TRAF3IP2: variants seen among roughly 807,000 people sequenced by gnomAD.
TRAF3IP2 encodes TRAF3 interacting protein 2, also known as E3 ubiquitin ligase TRAF3IP2.
In TRAF3IP2, 35 loss-of-function variants were observed where a neutral mutation model predicts 57.9. The ratio of observed to expected loss-of-function variants is 0.60; its 90% CI spans 0.46 to 0.80. TRAF3IP2 has a LOEUF of 0.80. Ranked by LOEUF, TRAF3IP2 falls within the 30% of genes least tolerant of loss-of-function variation. The probability of loss-of-function intolerance (pLI) is 0.00; values close to 1 mark genes in which losing one functional copy is unlikely to be tolerated. For synonymous variants in TRAF3IP2, 251 were observed against 268.9 expected (o/e 0.93, Z 0.65); for missense variants, 556 against 706.4 (o/e 0.79, Z 2.41).
intron 5 of TRAF3IP2, among the ~76,000 whole-genome samples, chr6:111,572,026 T>C (rs1432978034): frequency 6.6e-6 from 1 of 152,172 alleles, no homozygotes; most frequent in African/African-American, 2.4e-5. Flanking sequence ...AGTATCCCTC[T>C]TTACCCATAG....
intron 1 of TRAF3IP2, chr6:111,602,189 C>T (rs935001095): frequency 1.3e-5 from 2 of 152,240 alleles, no homozygotes; most frequent in African/African-American, 4.8e-5. Context: ...AGGAAGTTTG[C>T]TCTGGGACTC....
At chr6:111,567,148 C>T (rs757094754) in intron 6 of TRAF3IP2, 68 of 997,620 alleles carry the variant, frequency 6.8e-5, no homozygotes, top group Non-Finnish European at 8.1e-5. Context: ...TGTTAAAGCA[C>T]AACGTGTCCC....
At chr6:111,600,537 C>A (rs755649968) in intron 1 of TRAF3IP2, 1 of 152,204 alleles carries the variant, frequency 6.6e-6, no homozygotes, top group Non-Finnish European at 1.5e-5. Context: ...ATATAAATCA[C>A]GGGTTGGCAA....
chr6:111,559,664 A>C, intron 8 of TRAF3IP2, 113 bp from the exon 9 acceptor site: 1 of 1,251,026 alleles, frequency 8.0e-7, no homozygotes, highest in East Asian at 2.3e-5. Context: ...GTTTCCTACC[A>C]AACTATCCTG....
chr6:111,567,563 C>T, intron 6 of TRAF3IP2, 61 bp downstream of exon 6: 2 of 1,537,150 alleles, frequency 1.3e-6, no homozygotes, highest in Non-Finnish European at 1.8e-6. Flanking sequence ...AATAAAACAA[C>T]TTCATAAGCT....
chr6:111,566,681 C>G (rs1348846390), intron 6 of TRAF3IP2, 121 bp from the exon 7 acceptor site: 5 of 869,866 alleles, frequency 5.7e-6, no homozygotes, highest in Non-Finnish European at 9.8e-6. Context: ...CACTGGCCCC[C>G]ACTCAGGCAG....
In TRAF3IP2 at chr6:111,559,292, G is replaced by C. The variant is rs1454219725; in HGVS notation, c.*113C>G. 7 of 1,442,712 alleles carry C rather than the reference G, an allele frequency of 4.9e-6. No individual in the cohort carries two copies. The highest frequency in any genetic ancestry group is 6.5e-6 in the Non-Finnish European group (7 of 1,072,362). 89.4% of individuals were successfully genotyped at this position (1,442,712 alleles called of 1,614,324 possible). A position where few individuals can be genotyped will look rare whatever the true frequency, so the allele number is the denominator to read the frequency against. ...TTCCTGGGGGCCAGAGGGCCTCTCG[G>C]GGAGGAACAGAAAAAAACCAGCCAG... On this transcript the variant is annotated 3_prime_UTR_variant, in exon 9 of 9. Transcript: ENST00000368761.
intron 5 of TRAF3IP2, among the ~76,000 whole-genome samples, chr6:111,570,657 C>T (rs1259184775): frequency 3.3e-5 from 5 of 152,198 alleles, no homozygotes; most frequent in Non-Finnish European, 4.4e-5. Flanking sequence ...CTAAGCTCTC[C>T]TCCAGGGGCA....
At chr6:111,599,139 C>G (rs1430999082) in intron 1 of TRAF3IP2, among the ~76,000 whole-genome samples, 1 of 147,818 alleles carries the variant, frequency 6.8e-6, no homozygotes, top group African/African-American at 2.5e-5. Context: ...AACTCCTGGG[C>G]TCAGGCAATC....
intron 1 of TRAF3IP2, among the ~76,000 whole-genome samples, chr6:111,597,292 G>A (rs1279909474): frequency 2.0e-5 from 3 of 152,188 alleles, no homozygotes; most frequent in Admixed American, 6.5e-5. Flanking sequence ...CAGAATAAAG[G>A]TGATGCCATC....
rs576369819 is a variant in TRAF3IP2, at chr6:111,565,338, A to T, written c.1476+1106T>A. On this transcript the variant is annotated intron_variant, in intron 7 of 8. Transcript: ENST00000368761. ...TGTGCCCTCCCCATCTTCCCATCTT[A>T]GTGACACTCTATGCCCATTCCAGGT... 6 of 152,416 alleles carry T rather than the reference A, an allele frequency of 3.9e-5. No individual in the cohort carries two copies. In the East Asian group the frequency reaches 1.2e-3, roughly 29 times the overall value. 9.4% of individuals were successfully genotyped at this position (152,416 alleles called of 1,614,324 possible). A position where few individuals can be genotyped will look rare whatever the true frequency, so the allele number is the denominator to read the frequency against.
chr6:111,563,591 T>C (rs1294521535), intron 7 of TRAF3IP2, among the ~76,000 whole-genome samples: 2 of 152,190 alleles, frequency 1.3e-5, no homozygotes, highest in South Asian at 2.1e-4. Flanking sequence ...GGCCATCCAT[T>C]CTACATCAGA....
intron 2 of TRAF3IP2, among the ~76,000 whole-genome samples, chr6:111,587,992 T>C (rs954516366): frequency 6.6e-6 from 1 of 152,216 alleles, no homozygotes; most frequent in Non-Finnish European, 1.5e-5. Context: ...AGGAAGCACA[T>C]ATAAAACTGT....
chr6:111,591,160 C>T lies in TRAF3IP2; in HGVS notation c.829+98G>A. ...CAGAATGCCCTCCCTGCATTCTGACCTGTTCATGCCAGCCTAGTGACACGA... is the reference window on the plus strand; with the variant it reads ...CAGAATGCCCTCCCTGCATTCTGACTTGTTCATGCCAGCCTAGTGACACGA... On this transcript the variant is annotated intron_variant, in intron 2 of 8. Transcript: ENST00000368761. The surrounding 1 kb of genome is among the most constrained non-coding windows in gnomAD (Gnocchi z 4.9). 3.1e-6 allele frequency: 3 copies of T among 963,428 alleles called. No individual in the cohort carries two copies. The highest frequency in any genetic ancestry group is 4.4e-6 in the Non-Finnish European group (3 of 679,484). 59.7% of individuals were successfully genotyped at this position (963,428 alleles called of 1,614,324 possible).
In TRAF3IP2 at chr6:111,593,050, T is replaced by C. The variant is rs1271298705; in HGVS notation, c.-8-956A>G. Among the ~76,000 whole-genome samples the C allele has an allele frequency of 2.6e-5, 4 of 152,212 alleles. No homozygotes were observed. The South Asian group carries it at 6.2e-4, about 24-fold the overall frequency. On this transcript the variant is annotated intron_variant, in intron 1 of 8. Coordinates refer to ENST00000368761, the MANE Select transcript of TRAF3IP2 (RefSeq NM_147686.4). ...ACAATGAGAAAGAAAACCAGTCTCC[T>C]CTCATCATTAAACTGATTGAGATGA...
intron 3 of TRAF3IP2, chr6:111,576,445 G>T (rs2038013): frequency 0.85 from 130,131 of 152,228 alleles, 56,164 homozygotes; most frequent in East Asian, 1. Flanking sequence ...GAGAGCATGC[G>T]TCTGCCGCTT....
intron 1 of TRAF3IP2, chr6:111,594,464 G>A (rs1056986375): frequency 1.6e-5 from 7 of 446,988 alleles, no homozygotes; most frequent in East Asian, 7.2e-5. Context: ...CCTTAGAAGC[G>A]CTTTTCTACC....
intron 5 of TRAF3IP2, chr6:111,572,602 C>T (rs888951939): frequency 1.7e-5 from 5 of 287,722 alleles, no homozygotes; most frequent in Non-Finnish European, 2.6e-5. Flanking sequence ...AAGAGCCCGG[C>T]GTTTCCTTCA....
chr6:111,573,113 AAG>A (rs1795881181), intron 4 of TRAF3IP2, 130 bp from the exon 5 acceptor site: 2 of 710,894 alleles, frequency 2.8e-6, no homozygotes, highest in Non-Finnish European at 4.6e-6. Flanking sequence ...GGGGTGCTCT[AAG>A]AGCTTATGCC....
Sources: allele counts gnomAD v4.1 joint callset (sites outside exome capture counted in the v4.1 genomes callset), GRCh38; gene constraint gnomAD v4.1.1; non-coding constraint Gnocchi (gnomAD v3.1); transcripts MANE v1.5; gene names NCBI Gene and HGNC (gene_info 2026-07-23, HGNC 2026-07-21).